The following AKAP6 variants were observed in gnomAD, a reference collection of about 807,000 sequenced individuals.
AKAP6 encodes the protein A-kinase anchoring protein 6.
In AKAP6, 58 loss-of-function variants were observed where a neutral mutation model predicts 188.5. The observed-to-expected ratio is 0.31, with a 90% CI of 0.25 to 0.38. AKAP6 has a LOEUF of 0.38. AKAP6 is among the 10% of genes least tolerant of loss of function. AKAP6 has a pLI of 1.00. For synonymous variants in AKAP6, 989 were observed against 998.6 expected, an observed-to-expected ratio of 0.99 and a Z score of 0.18; for missense variants, 2,710 against 2,740.0, an observed-to-expected ratio of 0.99 and a Z score of 0.24.
intron 7 of AKAP6, among the ~76,000 whole-genome samples, chr14:32,674,695 G>T (rs543874628): frequency 2.0e-5 from 3 of 152,168 alleles, no homozygotes; most frequent in Non-Finnish European, 4.4e-5. Context: ...AAATAGTAAG[G>T]TCTAAAGAAA....
intron 1 of AKAP6, among the ~76,000 whole-genome samples, chr14:32,420,614 A>G (rs969901895): frequency 1.3e-5 from 2 of 152,050 alleles, no homozygotes; most frequent in Non-Finnish European, 2.9e-5. Flanking sequence ...TCAACCCCCA[A>G]TTCTCTACTA....
intron 12 of AKAP6, among the ~76,000 whole-genome samples, chr14:32,779,360 T>C (rs917966834): frequency 1.3e-5 from 2 of 148,274 alleles, no homozygotes; most frequent in Non-Finnish European, 3.0e-5. Flanking sequence ...CCATGAACAG[T>C]GTTTGTGCCC....
chr14:32,516,706 C>A (rs1349352057), intron 2 of AKAP6, among the ~76,000 whole-genome samples: 1 of 152,084 alleles, frequency 6.6e-6, no homozygotes. Flanking sequence ...GGTAAAAACC[C>A]TGTATTCCTG....
Position 32,600,763 on chromosome 14 carries a change from G to A in AKAP6, c.2701G>A (p.Glu901Lys). 1 of 1,611,656 alleles carries A rather than the reference G, an allele frequency of 6.2e-7. No individual in the cohort carries two copies. The highest frequency in any genetic ancestry group is 1.1e-5 in the South Asian group (1 of 90,618). ...GATACTGGCTACTGATGTGTCTGTGGAGGATGAGGAAGGGACTGGAAGCCC... is the reference window on the plus strand; with the variant it reads ...GATACTGGCTACTGATGTGTCTGTGAAGGATGAGGAAGGGACTGGAAGCCC... ...AEILATDVSV[E>K]DEEGTGSPKA... The change falls in exon 7 of 14, where the codon GAG (glutamate) becomes AAG (lysine). Residue 901 changes from glutamate to lysine, a missense_variant. Physicochemically the swap from Glu to Lys is moderately conservative, Grantham distance 56. Coordinates refer to ENST00000280979, the MANE Select transcript of AKAP6 (RefSeq NM_004274.5).
At chr14:32,501,786 T>A (rs1297246399) in intron 2 of AKAP6, among the ~76,000 whole-genome samples, 1 of 152,164 alleles carries the variant, frequency 6.6e-6, no homozygotes, top group East Asian at 1.9e-4. Context: ...TTTCCTTTAT[T>A]TGTCCTTCAA....
At chr14:32,374,853 C>G (rs909070595) in intron 1 of AKAP6, among the ~76,000 whole-genome samples, 1 of 152,080 alleles carries the variant, frequency 6.6e-6, no homozygotes, top group Non-Finnish European at 1.5e-5. Context: ...CAGTACATTC[C>G]TCTCTAAATA....
At chr14:32,575,194 C>T (rs114899242) in intron 4 of AKAP6, among the ~76,000 whole-genome samples, 240 of 152,090 alleles carry the variant, frequency 1.6e-3, no homozygotes, top group African/African-American at 5.5e-3. Flanking sequence ...CAAATTTATG[C>T]AAATGCAGGA....
chr14:32,721,714 G>A (rs1230411931), intron 9 of AKAP6, among the ~76,000 whole-genome samples: 1 of 152,150 alleles, frequency 6.6e-6, no homozygotes, highest in Non-Finnish European at 1.5e-5. Flanking sequence ...TGAGAATCTT[G>A]TTTCTGAATC....
At chr14:32,352,467 C>T (rs113233098) in intron 1 of AKAP6, among the ~76,000 whole-genome samples, 9 of 152,158 alleles carry the variant, frequency 5.9e-5, no homozygotes, top group African/African-American at 1.7e-4. Context: ...AGATTGTTAA[C>T]TAGTCACTGT....
chr14:32,471,255 T>C (rs1194918311), intron 2 of AKAP6, among the ~76,000 whole-genome samples: 1 of 152,248 alleles, frequency 6.6e-6, no homozygotes, highest in Non-Finnish European at 1.5e-5. Flanking sequence ...AATCATAAAA[T>C]GTACTGCCAA....
chr14:32,601,841 G>T (rs1281657068), intron 7 of AKAP6, among the ~76,000 whole-genome samples: 1 of 152,170 alleles, frequency 6.6e-6, no homozygotes. Context: ...AACCCATCCA[G>T]CCCTGCAATG....
Position 32,829,985 on chromosome 14 carries a change from A to G in AKAP6, c.*180A>G, listed in dbSNP as rs1253918649. ...TTCCTTCCAAATGTGTTTTCTCCAC[A>G]CAAGCCTTGTGATCTGAATGTGTGC... is the stretch of plus-strand genomic sequence containing the variant. On this transcript the variant is annotated 3_prime_UTR_variant, in exon 14 of 14. Transcript: ENST00000280979. 5 of 702,584 alleles carry G rather than the reference A, an allele frequency of 7.1e-6. No homozygotes were observed. In the South Asian group the frequency reaches 7.4e-5, roughly 10 times the overall value. 43.5% of individuals were successfully genotyped at this position (702,584 alleles called of 1,614,324 possible).
intron 8 of AKAP6, among the ~76,000 whole-genome samples, chr14:32,684,639 C>G (rs1056757045): frequency 2.0e-5 from 3 of 152,082 alleles, no homozygotes; most frequent in African/African-American, 4.8e-5. Context: ...CAAGTTAGCT[C>G]TCTGCTACTT....
At chr14:32,438,067 GGT>G (rs1458320249) in intron 2 of AKAP6, among the ~76,000 whole-genome samples, 1 of 152,138 alleles carries the variant, frequency 6.6e-6, no homozygotes, top group African/African-American at 2.4e-5. Context: ...AAGCCTATGT[GGT>G]CAGTGCCTTC....
intron 12 of AKAP6, among the ~76,000 whole-genome samples, chr14:32,800,205 TA>T (rs2033908687): frequency 1.4e-5 from 2 of 147,124 alleles, no homozygotes; most frequent in Non-Finnish European, 3.0e-5. Flanking sequence ...TATACATATA[TA>T]TACACACATC....
chr14:32,463,926 C>A (rs1878233828), intron 2 of AKAP6, among the ~76,000 whole-genome samples: 1 of 152,072 alleles, frequency 6.6e-6, no homozygotes, highest in African/African-American at 2.4e-5. Context: ...CCACTGATCC[C>A]ACAGAAATAC....
chr14:32,773,635 T>G (rs1289498793), intron 11 of AKAP6, 43 bp from the exon 12 acceptor site: 1 of 1,549,880 alleles, frequency 6.5e-7, no homozygotes, highest in African/African-American at 1.4e-5. Flanking sequence ...TAGGGAACTC[T>G]GCCCTATAAA....
chr14:32,690,437 G>C (rs548265729), intron 8 of AKAP6, among the ~76,000 whole-genome samples: 3 of 152,246 alleles, frequency 2.0e-5, no homozygotes, highest in African/African-American at 7.2e-5. Context: ...TCAGGGTTTA[G>C]AGGAAGGATT....
At chr14:32,345,849 A>G (rs1401527193) in intron 1 of AKAP6, among the ~76,000 whole-genome samples, 1 of 152,196 alleles carries the variant, frequency 6.6e-6, no homozygotes, top group Non-Finnish European at 1.5e-5. Flanking sequence ...AGGAGAGTAT[A>G]TTGTATAAGA....
Sources: gnomAD v4.1 joint callset for allele counts (sites outside exome capture counted in the v4.1 genomes callset) on GRCh38, gnomAD v4.1.1 for gene constraint, MANE v1.5 for transcripts, NCBI Gene and HGNC (gene_info 2026-07-23, HGNC 2026-07-21) for gene names.